Variants in ALDH1A3 observed in about 807,000 individuals in gnomAD.
ALDH1A3 encodes the protein aldehyde dehydrogenase 1 family member A3, also known as retinaldehyde dehydrogenase 3.
ALDH1A3 carries 28 observed loss-of-function variants against 57.5 expected under a neutral mutation model. The observed-to-expected ratio is 0.49, with a 90% CI of 0.36 to 0.67. The LOEUF (loss-of-function observed/expected upper bound fraction) is 0.67. Ranked by LOEUF, ALDH1A3 falls within the 30% of genes least tolerant of loss-of-function variation. The pLI is 0.00. For synonymous variants in ALDH1A3, 281 were observed against 264.8 expected (o/e 1.06, Z -0.59); for missense variants, 507 against 669.4 (o/e 0.76, Z 2.68).
At chr15:100,898,018 T>G (rs1180291790) in intron 7 of ALDH1A3, 65 bp from the exon 8 acceptor site, 2 of 1,483,926 alleles carry the variant, frequency 1.3e-6, no homozygotes, top group Non-Finnish European at 1.9e-6. Context: ...TGTTCACTGA[T>G]GTTTACGCCT....
rs533901748 is a variant in ALDH1A3, at chr15:100,898,705, C to A, written c.883+520C>A. ...CAGTAGCAACTGATCCTTCAAATTA[C>A]CCGCTTTGCCTGGTTCTAGGCCTGC... On this transcript the variant is annotated intron_variant, in intron 8 of 12. Transcript: ENST00000329841. 2.8e-4 allele frequency among the ~76,000 whole-genome samples: 43 copies of A among 152,352 alleles called. No individual in the cohort carries two copies. The South Asian group carries it at 8.9e-3, about 32-fold the overall frequency.
At chr15:100,897,518 C>T (rs2041717523) in intron 7 of ALDH1A3, among the ~76,000 whole-genome samples, 1 of 151,390 alleles carries the variant, frequency 6.6e-6, no homozygotes, top group Non-Finnish European at 1.5e-5. Flanking sequence ...CACTCCCTGC[C>T]TGTCTGCGGC....
At position 100,893,680 on chromosome 15, in the gene ALDH1A3, G is replaced by A; in HGVS notation, c.538-274G>A. On this transcript the variant is annotated intron_variant, in intron 5 of 12. Transcript: ENST00000329841. The surrounding 1 kb of genome is among the most constrained non-coding windows in gnomAD (Gnocchi z 4.8). ...AAAAAGTGCCCATGGAGGCAGGGAG[G>A]AGGACACGTCTTCAGCAGATGTTTT... The A allele has an allele frequency of 3.0e-6, 1 of 328,998 alleles. No individual in the cohort carries two copies. Among genetic ancestry groups the A allele is most frequent in the South Asian group, 9.3e-5 (1 of 10,746 alleles). 20.4% of individuals were successfully genotyped at this position (328,998 alleles called of 1,614,324 possible).
chr15:100,881,572 A>G (rs1250068918), intron 1 of ALDH1A3: 13 of 152,086 alleles, frequency 8.5e-5, no homozygotes, highest in Admixed American at 7.9e-4. Context: ...CTCTTTCTCT[A>G]TGATTTTTAG....
intron 3 of ALDH1A3, 27 bp from the exon 4 acceptor site, chr15:100,892,483 G>A (rs781379161): frequency 5.6e-6 from 9 of 1,608,340 alleles, no homozygotes; most frequent in Middle Eastern, 1.7e-4. Context: ...AGCTATGTCC[G>A]AAACAGACAT....
At position 100,895,952 on chromosome 15, in the gene ALDH1A3, T is replaced by C. The variant is rs1210490747; in HGVS notation, c.686T>C (p.Val229Ala). 1.2e-6 allele frequency: 2 copies of C among 1,613,324 alleles called. No homozygotes were observed. The highest frequency in any genetic ancestry group is 2.2e-5 in the East Asian group (1 of 44,874). Reference sequence around the variant, plus strand: ...TCCCAGGCCGGGTTCCCTCCAGGAGTGGTGAACATTGTGCCAGGATTCGGG... The same window carrying C: ...TCCCAGGCCGGGTTCCCTCCAGGAGCGGTGAACATTGTGCCAGGATTCGGG... ...LIKEAGFPPG[V>A]VNIVPGFGPT... is the part of the protein sequence containing the mutation. The change falls in exon 7 of 13, where the codon GTG becomes GCG. Residue 229 changes from valine to alanine, a missense_variant. This residue lies in a region of ALDH1A3 where 432 missense variants were observed against 608.4 expected (regional missense o/e 0.71). Coordinates refer to ENST00000329841, the MANE Select transcript of ALDH1A3 (RefSeq NM_000693.4).
intron 9 of ALDH1A3, among the ~76,000 whole-genome samples, chr15:100,901,902 C>T (rs1295034554): frequency 6.6e-6 from 1 of 152,196 alleles, no homozygotes; most frequent in Non-Finnish European, 1.5e-5. Flanking sequence ...ACTCCGACGC[C>T]ACGTGACCCT....
chr15:100,893,992 A>G lies in ALDH1A3; in HGVS notation c.576A>G (p.Ala192=), dbSNP rs1436859231. The part of the protein sequence containing the change: ...FPLLMLVWKL[A]PALCCGNTMV... ...TGCTGATGCTGGTGTGGAAGCTGGC[A>G]CCCGCCCTCTGCTGTGGGAACACCA... Residue 192 remains alanine, a synonymous_variant, in exon 6 of 13, where the codon GCA becomes GCG. Coordinates refer to ENST00000329841, the MANE Select transcript of ALDH1A3 (RefSeq NM_000693.4). The surrounding 1 kb of genome is among the most constrained non-coding windows in gnomAD (Gnocchi z 4.8). 5 of 1,614,022 alleles carry G rather than the reference A, an allele frequency of 3.1e-6. No homozygotes were observed. Among genetic ancestry groups the G allele is most frequent in the African/African-American group, 1.3e-5 (1 of 74,902 alleles).
intron 9 of ALDH1A3, 63 bp from the exon 10 acceptor site, chr15:100,905,460 A>T: frequency 2.5e-6 from 4 of 1,605,604 alleles, no homozygotes; most frequent in Non-Finnish European, 2.6e-6. Flanking sequence ...GCCACTGAAA[A>T]CATGAGATGG....
Position 100,892,738 on chromosome 15 carries a change from C to T in ALDH1A3, c.475+99C>T, listed in dbSNP as rs866331950. 5.1e-5 allele frequency: 75 copies of T among 1,477,862 alleles called. No homozygotes were observed. In the Middle Eastern group the frequency reaches 9.4e-4, roughly 19 times the overall value. The allele number at this position is 1,477,862 out of a possible 1,614,324, so 91.5% of individuals were successfully genotyped here. On this transcript the variant is annotated intron_variant, in intron 4 of 12. Transcript: ENST00000329841. ...CTGACTGTTTCCCTAAGGCACCATT[C>T]CCAACCCCACTCCCTCTCCAAATGG...
intron 1 of ALDH1A3, among the ~76,000 whole-genome samples, chr15:100,884,758 C>A (rs2041578940): frequency 6.6e-6 from 1 of 152,000 alleles, no homozygotes; most frequent in Admixed American, 6.6e-5. Flanking sequence ...ATGGTGAGAT[C>A]CTCCTCAAAG....
chr15:100,912,100 C>T (rs1320598301), intron 12 of ALDH1A3, among the ~76,000 whole-genome samples: 1 of 152,210 alleles, frequency 6.6e-6, no homozygotes, highest in East Asian at 1.9e-4. Flanking sequence ...TATTGATGAT[C>T]TCCCATGAGG....
chr15:100,907,848 T>TTTC (rs1261296308), intron 11 of ALDH1A3, among the ~76,000 whole-genome samples: 3 of 129,776 alleles, frequency 2.3e-5, no homozygotes, highest in South Asian at 2.8e-4. Flanking sequence ...TTCTTTCTTT[T>TTTC]TTTTTTTTTT....
At chr15:100,897,564 C>T (rs1444174245) in intron 7 of ALDH1A3, among the ~76,000 whole-genome samples, 2 of 151,842 alleles carry the variant, frequency 1.3e-5, no homozygotes, top group Non-Finnish European at 2.9e-5. Context: ...AGAGAATCGG[C>T]TCCTTCTCAT....
At chr15:100,896,195 C>A in intron 7 of ALDH1A3, 149 bp downstream of exon 7, 1 of 613,568 alleles carries the variant, frequency 1.6e-6, no homozygotes, top group Non-Finnish European at 2.8e-6. Flanking sequence ...AAAAAAGTCA[C>A]TGGTCTAGTT....
At chr15:100,911,197 A>G (rs1368422098) in intron 12 of ALDH1A3, among the ~76,000 whole-genome samples, 5 of 152,240 alleles carry the variant, frequency 3.3e-5, no homozygotes, top group African/African-American at 9.6e-5. Flanking sequence ...TAATGTCTTC[A>G]TGTTGCAAGA....
Position 100,914,971 on chromosome 15 carries a change from T to C in ALDH1A3, c.*198T>C. 1 of 586,950 alleles carries C rather than the reference T, an allele frequency of 1.7e-6. No individual in the cohort carries two copies. Among genetic ancestry groups the C allele is most frequent in the Non-Finnish European group, 3.0e-6 (1 of 332,620 alleles). The allele number at this position is 586,950 out of a possible 1,614,324, so 36.4% of individuals were successfully genotyped here. A position where few individuals can be genotyped will look rare whatever the true frequency, so the allele number is the denominator to read the frequency against. ...AGACTGGGGATGCCTATAGGTTGTC[T>C]GTGAAATCGCAGTCCTGCCTGGGGA... On this transcript the variant is annotated 3_prime_UTR_variant, in exon 13 of 13. Transcript: ENST00000329841.
At chr15:100,911,378 T>C (rs1393077705) in intron 12 of ALDH1A3, among the ~76,000 whole-genome samples, 1 of 152,208 alleles carries the variant, frequency 6.6e-6, no homozygotes, top group East Asian at 1.9e-4. Context: ...CCTGGGAGCC[T>C]TTCTTCTGAA....
chr15:100,901,951 C>A (rs1206059109), intron 9 of ALDH1A3, among the ~76,000 whole-genome samples: 1 of 152,212 alleles, frequency 6.6e-6, no homozygotes, highest in Non-Finnish European at 1.5e-5. Flanking sequence ...TCCTTCTCCT[C>A]AGTCATTGCC....
Sources: allele counts gnomAD v4.1 joint callset (sites outside exome capture counted in the v4.1 genomes callset), GRCh38; gene constraint gnomAD v4.1.1; regional missense constraint gnomAD v4.1.1; non-coding constraint Gnocchi (gnomAD v3.1); transcripts MANE v1.5; gene names NCBI Gene and HGNC (gene_info 2026-07-23, HGNC 2026-07-21).